STAG1: variants seen among roughly 807,000 people sequenced by gnomAD.
STAG1 encodes the protein STAG1 cohesin complex component, also known as cohesin subunit SA-1.
A neutral mutation model predicts 170.9 loss-of-function variants in STAG1; 26 were observed. The observed-to-expected ratio is 0.15, with a 90% confidence interval of 0.11 to 0.21. The LOEUF is 0.21. STAG1 is among the 10% of genes least tolerant of loss of function. The pLI is 1.00. For synonymous variants in STAG1, 514 were observed against 497.7 expected (o/e 1.03, Z -0.44); for missense variants, 964 against 1,509.5 (o/e 0.64, Z 5.99).
intron 16 of STAG1, among the ~76,000 whole-genome samples, 178 bp downstream of exon 16, chr3:136,433,378 G>T (rs1380756377): frequency 4.6e-5 from 7 of 152,132 alleles, no homozygotes; most frequent in Middle Eastern, 3.4e-3. Flanking sequence ...ATGAAGGAAA[G>T]AATCTATTTT....
intron 1 of STAG1, among the ~76,000 whole-genome samples, chr3:136,694,186 T>C (rs1942810043): frequency 6.6e-6 from 1 of 152,166 alleles, no homozygotes; most frequent in Non-Finnish European, 1.5e-5. Flanking sequence ...CCTATGTAAA[T>C]TCTTTGCAAG....
chr3:136,377,724 A>G lies in STAG1; in HGVS notation c.2306T>C (p.Val769Ala), dbSNP rs867178690. Residue 769 changes from valine to alanine, a missense_variant, in exon 23 of 34, where the codon GTG (valine) becomes GCG (alanine). Val to Ala is a moderately conservative substitution (Grantham distance 64). Coordinates refer to ENST00000383202, the MANE Select transcript of STAG1 (RefSeq NM_005862.3). ...CTGGCAAACAGCCAAAAAGGATTTC[A>G]CCGTTTTCCTCAATACCAACAAATC... ...KEDLLVLRKT[V>A]KSFLAVCQQC... 3.7e-6 allele frequency: 6 copies of G among 1,614,030 alleles called. No individual in the cohort carries two copies. In the Middle Eastern group the frequency reaches 8.3e-4, roughly 222 times the overall value.
chr3:136,433,683 G>T, intron 15 of STAG1, 24 bp from the exon 16 acceptor site: 1 of 1,494,810 alleles, frequency 6.7e-7, no homozygotes, highest in Non-Finnish European at 9.3e-7. Context: ...AAATACATGA[G>T]CATGAGTAGA....
intron 1 of STAG1, among the ~76,000 whole-genome samples, chr3:136,656,617 TTGTGTGTG>T (rs71157397): frequency 1.4e-5 from 2 of 143,294 alleles, no homozygotes; most frequent in Non-Finnish European, 3.0e-5. Flanking sequence ...CTGTATTTAT[TTGTGTGTG>T]TGTGTGTGTG....
At chr3:136,506,418 G>C (rs750365379) in intron 7 of STAG1, among the ~76,000 whole-genome samples, 1 of 148,846 alleles carries the variant, frequency 6.7e-6, no homozygotes, top group Non-Finnish European at 1.5e-5. Context: ...ATCACTGGAG[G>C]TCAGGAGTTC....
chr3:136,558,580 G>A (rs182812986), intron 5 of STAG1, among the ~76,000 whole-genome samples: 10 of 152,254 alleles, frequency 6.6e-5, no homozygotes, highest in Admixed American at 2.0e-4. Flanking sequence ...TCTGATATTT[G>A]TAATCCTACT....
At chr3:136,384,124 G>A (rs866878977) in intron 22 of STAG1, among the ~76,000 whole-genome samples, 17 of 152,150 alleles carry the variant, frequency 1.1e-4, no homozygotes, top group African/African-American at 4.1e-4. Flanking sequence ...AAATTAATAT[G>A]TGGCAACTTG....
In STAG1 at chr3:136,684,552, C is replaced by G. The variant is rs533294256; in HGVS notation, c.-83-53571G>C. Among the ~76,000 whole-genome samples, 4 of 151,898 alleles carry G rather than the reference C, an allele frequency of 2.6e-5. No individual in the cohort carries two copies. In the East Asian group the frequency reaches 7.8e-4, roughly 30 times the overall value. On this transcript the variant is annotated intron_variant, in intron 1 of 33. Transcript: ENST00000383202. ...ATCACTTGAGGTCCAAAGTTCGAGA[C>G]CAGCCTGGTCAACATGGTGAAACCC...
At chr3:136,736,502 C>T (rs1425085405) in intron 1 of STAG1, 1 of 1,390,190 alleles carries the variant, frequency 7.2e-7, no homozygotes, top group Non-Finnish European at 1.0e-6. Flanking sequence ...GTCATTCACG[C>T]TGCTCCATTT....
intron 1 of STAG1, among the ~76,000 whole-genome samples, chr3:136,699,180 A>C (rs1294872784): frequency 2.0e-5 from 3 of 152,182 alleles, no homozygotes; most frequent in Non-Finnish European, 4.4e-5. Flanking sequence ...GAATTTATCC[A>C]TGTAACGAAA....
intron 7 of STAG1, among the ~76,000 whole-genome samples, chr3:136,513,265 G>C (rs1439306682): frequency 2.0e-5 from 3 of 151,998 alleles, no homozygotes; most frequent in Admixed American, 1.3e-4. Context: ...TGAGGTCGGA[G>C]AGTATCCCTT....
intron 1 of STAG1, among the ~76,000 whole-genome samples, chr3:136,690,902 A>T (rs1484405675): frequency 6.6e-6 from 1 of 151,254 alleles, no homozygotes; most frequent in Non-Finnish European, 1.5e-5. Context: ...ATGGGGGATA[A>T]TCTTTGAGCT....
At chr3:136,578,213 T>C (rs1937517820) in intron 4 of STAG1, among the ~76,000 whole-genome samples, 1 of 152,134 alleles carries the variant, frequency 6.6e-6, no homozygotes, top group African/African-American at 2.4e-5. Flanking sequence ...GATGATGGGA[T>C]CCCAAGGTAA....
At chr3:136,657,404 G>A (rs1207326854) in intron 1 of STAG1, among the ~76,000 whole-genome samples, 2 of 151,796 alleles carry the variant, frequency 1.3e-5, no homozygotes, top group Non-Finnish European at 2.9e-5. Context: ...TCACCATGCT[G>A]GTCTCAAACT....
At chr3:136,408,828 TAGA>T (rs1473368531) in intron 21 of STAG1, among the ~76,000 whole-genome samples, 11 of 152,232 alleles carry the variant, frequency 7.2e-5, no homozygotes, top group Middle Eastern at 3.4e-3. Context: ...AAAAAATGGA[TAGA>T]AGAATACTAA....
At chr3:136,678,850 C>CAAAAAA (rs559610524) in intron 1 of STAG1, among the ~76,000 whole-genome samples, 25 of 34,532 alleles carry the variant, frequency 7.2e-4, no homozygotes, top group African/African-American at 9.3e-4. Flanking sequence ...CCCATGCTCA[C>CAAAAAA]AAAAAAAAAA....
intron 1 of STAG1, among the ~76,000 whole-genome samples, chr3:136,659,622 G>A (rs776936722): frequency 3.9e-5 from 6 of 152,142 alleles, no homozygotes; most frequent in African/African-American, 1.2e-4. Flanking sequence ...CAACTACTTC[G>A]TAATAAAAGG....
chr3:136,441,673 CT>C (rs2088636027), intron 15 of STAG1, among the ~76,000 whole-genome samples: 12 of 152,080 alleles, frequency 7.9e-5, no homozygotes, highest in Non-Finnish European at 1.8e-4. Flanking sequence ...CATGGGTAGT[CT>C]ACTGCGGGGG....
chr3:136,711,885 G>A (rs1348870407), intron 1 of STAG1, among the ~76,000 whole-genome samples: 2 of 151,924 alleles, frequency 1.3e-5, no homozygotes, highest in African/African-American at 2.4e-5. Flanking sequence ...CTAAATGAGA[G>A]AAGTAAATAA....
Sources: gnomAD v4.1 joint callset for allele counts (sites outside exome capture counted in the v4.1 genomes callset) on GRCh38, gnomAD v4.1.1 for gene constraint, MANE v1.5 for transcripts, NCBI Gene and HGNC (gene_info 2026-07-23, HGNC 2026-07-21) for gene names.